The following APOBR variants were observed in gnomAD, a reference collection of about 807,000 sequenced individuals.
APOBR encodes the protein apolipoprotein B receptor, also known as apoB-48R.
A neutral mutation model predicts 88.5 loss-of-function variants in APOBR; 57 were observed. That is an observed-to-expected ratio of 0.64 (90% CI 0.52 to 0.80). The LOEUF is 0.80. Ranked by LOEUF, APOBR falls within the 30% of genes least tolerant of loss-of-function variation. The pLI is 0.00. For synonymous variants in APOBR, 588 were observed against 572.7 expected (o/e 1.03, Z -0.38); for missense variants, 1,443 against 1,401.6 (o/e 1.03, Z -0.47).
rs537690964 is a variant in APOBR, at chr16:28,495,078, T to C, written c.58-21T>C. ...GGGACTCTCCTCAATGACTCTCCCC[T>C]CTCTCTCTCTTTTTTCCTAGGATTC... On this transcript the variant is annotated intron_variant, in intron 1 of 3. Transcript: ENST00000564831. 85 of 1,380,126 alleles carry C rather than the reference T, an allele frequency of 6.2e-5. No homozygotes were observed. In the East Asian group the frequency reaches 7.7e-4, roughly 13 times the overall value. 85.5% of individuals were successfully genotyped at this position (1,380,126 alleles called of 1,614,324 possible).
chr16:28,498,720 C>T lies in APOBR; in HGVS notation c.*215C>T, dbSNP rs2046412652. Reference sequence around the variant, plus strand: ...GATTCTCCGACACAGGCTGGTGGACCACCTACCCCACTGAGACCACCTCTC... The same window carrying T: ...GATTCTCCGACACAGGCTGGTGGACTACCTACCCCACTGAGACCACCTCTC... On this transcript the variant is annotated 3_prime_UTR_variant, in exon 4 of 4. Coordinates refer to ENST00000564831, the MANE Select transcript of APOBR (RefSeq NM_018690.4). The T allele has an allele frequency of 3.2e-6, 2 of 624,710 alleles. No individual in the cohort carries two copies. The highest frequency in any genetic ancestry group is 2.8e-6 in the Non-Finnish European group (1 of 360,398). 38.7% of individuals were successfully genotyped at this position (624,710 alleles called of 1,614,324 possible).
rs529411897 is a variant in APOBR at position 28,496,482 on chromosome 16, G to T, written c.1441G>T (p.Asp481Tyr). The change falls in exon 2 of 4, where the codon GAC becomes TAC. Residue 481 changes from aspartate to tyrosine, a missense_variant. By Grantham distance (160) the Asp-to-Tyr change is radical (BLOSUM62 -3). Transcript: ENST00000564831. ...GAGGCAGGACTTGGGGATCAGGGCC[G>T]ACCGGGCCAGGATGGAAGAGCTGGT... ...EMRQDLGIRA[D>Y]RARMEELVQA... 2.5e-6 allele frequency: 4 copies of T among 1,605,072 alleles called. No individual in the cohort carries two copies. The highest frequency in any genetic ancestry group is 1.7e-4 in the Middle Eastern group (1 of 5,968).
Position 28,497,417 on chromosome 16 carries a change from G to C in APOBR, c.2376G>C (p.Ser792=). 1 of 1,613,580 alleles carries C rather than the reference G, an allele frequency of 6.2e-7. No individual in the cohort carries two copies. Among genetic ancestry groups the C allele is most frequent in the Non-Finnish European group, 8.5e-7 (1 of 1,179,696 alleles). Residue 792 remains serine, a synonymous_variant, in exon 2 of 4, where the codon TCG becomes TCC. Coordinates refer to ENST00000564831, the MANE Select transcript of APOBR (RefSeq NM_018690.4). ...LEGVLGQGWD[S]KEKEEAAAGE... is the part of the protein sequence containing the mutation. ...GGGTGCTTGGGCAAGGCTGGGACTC[G>C]AAAGAAAAGGAAGAGGCAGCAGCAG...
chr16:28,496,942 G>A lies in APOBR; in HGVS notation c.1901G>A (p.Arg634Lys). The change falls in exon 2 of 4, where the codon AGA becomes AAA. Residue 634 changes from arginine to lysine, a missense_variant. By Grantham distance (26) the Arg-to-Lys change is conservative. Transcript: ENST00000564831. ...AACCGCACGAGAAAGGACATGGAGA[G>A]AGGAAATACTCAGGAGGATGCGGCC... ...WENRTRKDME[R>K]GNTQEDAADG... 6.4e-7 allele frequency: 1 copy of A among 1,560,014 alleles called. No individual in the cohort carries two copies. The highest frequency in any genetic ancestry group is 8.7e-7 in the Non-Finnish European group (1 of 1,152,694).
chr16:28,495,828 TG>T lies in APOBR; in HGVS notation c.792del (p.Thr265ArgfsTer14). The T allele has an allele frequency of 6.2e-7, 1 of 1,606,946 alleles. No individual in the cohort carries two copies. The highest frequency in any genetic ancestry group is 1.1e-5 in the South Asian group (1 of 89,702). Reference protein sequence around the residue: ...VEKACESTRAWGTWGPGAEPE... With the variant: ...VEKACESTRAXGTWGPGAEPE... Reference sequence around the variant, plus strand: ...GAAGGCCTGTGAAAGCACTAGGGCATGGGGGACGTGGGGCCCAGGGGCAGAG... The same window carrying T: ...GAAGGCCTGTGAAAGCACTAGGGCATGGGGACGTGGGGCCCAGGGGCAGAG... On this transcript the variant is annotated frameshift_variant, in exon 2 of 4. Transcript: ENST00000564831. LOFTEE classifies it high-confidence loss of function.
In APOBR at chr16:28,497,296, G is replaced by C; in HGVS notation, c.2255G>C (p.Arg752Pro). The C allele has an allele frequency of 1.3e-6, 2 of 1,596,754 alleles. No homozygotes were observed. Among genetic ancestry groups the C allele is most frequent in the Non-Finnish European group, 1.7e-6 (2 of 1,172,070 alleles). The change falls in exon 2 of 4, where the codon CGT becomes CCT. Residue 752 changes from arginine (R) to proline (P), a missense_variant. Coordinates refer to ENST00000564831, the MANE Select transcript of APOBR (RefSeq NM_018690.4). ...LQAVAVGLPD[R>P]EDAQTGSVAA... ...GCGGTGGCTGTGGGCCTCCCGGACC[G>C]TGAGGATGCACAGACTGGCTCTGTG...
At position 28,495,701 on chromosome 16, in the gene APOBR, C is replaced by G; in HGVS notation, c.660C>G (p.Asp220Glu). 1 of 1,530,654 alleles carries G rather than the reference C, an allele frequency of 6.5e-7. No individual in the cohort carries two copies. The allele number at this position is 1,530,654 out of a possible 1,614,324, so 94.8% of individuals were successfully genotyped here. A position where few individuals can be genotyped will look rare whatever the true frequency, so the allele number is the denominator to read the frequency against. ...CTGTTGGGCCAAAGGCGGCAGGGGA[C>G]AACCGGGAGATGGAGCAGGGGGTCA... ...AGAVGPKAAG[D>E]NREMEQGVRE... Residue 220 changes from aspartate (D) to glutamate (E), a missense_variant, in exon 2 of 4, where the codon GAC (aspartate) becomes GAG (glutamate). Asp to Glu is a conservative substitution (Grantham distance 45). Transcript: ENST00000564831.
chr16:28,494,779 C>T (rs971631245), intron 1 of APOBR, 41 bp downstream of exon 1: 1 of 1,569,670 alleles, frequency 6.4e-7, no homozygotes, highest in Admixed American at 1.8e-5. Flanking sequence ...GCACCCCATT[C>T]CCTGGGGCCT....
In APOBR at chr16:28,498,548, A is replaced by T. The variant is rs747245857; in HGVS notation, c.*43A>T. 3.2e-6 allele frequency: 5 copies of T among 1,551,972 alleles called. No homozygotes were observed. Among genetic ancestry groups the T allele is most frequent in the Non-Finnish European group, 8.7e-7 (1 of 1,149,350 alleles). On this transcript the variant is annotated 3_prime_UTR_variant, in exon 4 of 4. Coordinates refer to ENST00000564831, the MANE Select transcript of APOBR (RefSeq NM_018690.4). ...GGGAGCCAGGCCCTGAGTGGGTGCCAGAAGGCTTGCTCCAATGCCACTGAG... is the reference window on the plus strand; with the variant it reads ...GGGAGCCAGGCCCTGAGTGGGTGCCTGAAGGCTTGCTCCAATGCCACTGAG...
Position 28,498,331 on chromosome 16 carries a change from G to A in APOBR, c.3206G>A (p.Arg1069Lys). 2 of 1,598,518 alleles carry A rather than the reference G, an allele frequency of 1.3e-6. No homozygotes were observed. The highest frequency in any genetic ancestry group is 2.2e-5 in the East Asian group (1 of 44,474). ...GATGGGACCCCGGTGCCAGCCAGGAGAAGGCCCCTGGGACACGGGTAGGCA... is the reference window on the plus strand; with the variant it reads ...GATGGGACCCCGGTGCCAGCCAGGAAAAGGCCCCTGGGACACGGGTAGGCA... ...RHDGTPVPAR[R>K]RPLGHGFGLA... The change falls in exon 3 of 4, where the codon AGA becomes AAA. Residue 1069 changes from arginine (R) to lysine (K), a missense_variant. Transcript: ENST00000564831.
chr16:28,498,553 G>T lies in APOBR; in HGVS notation c.*48G>T. The T allele has an allele frequency of 6.5e-7, 1 of 1,546,974 alleles. No individual in the cohort carries two copies. The highest frequency in any genetic ancestry group is 8.7e-7 in the Non-Finnish European group (1 of 1,146,424). On this transcript the variant is annotated 3_prime_UTR_variant, in exon 4 of 4. Coordinates refer to ENST00000564831, the MANE Select transcript of APOBR (RefSeq NM_018690.4). ...CCAGGCCCTGAGTGGGTGCCAGAAG[G>T]CTTGCTCCAATGCCACTGAGCCCTG...
rs761106858 is a variant in APOBR at position 28,497,910 on chromosome 16, G to A, written c.2869G>A (p.Glu957Lys). The A allele has an allele frequency of 1.9e-6, 3 of 1,613,690 alleles. No individual in the cohort carries two copies. In the East Asian group the frequency reaches 6.7e-5, roughly 36 times the overall value. The change falls in exon 2 of 4, where the codon GAA becomes AAA. Residue 957 changes from glutamate (E) to lysine (K), a missense_variant. Coordinates refer to ENST00000564831, the MANE Select transcript of APOBR (RefSeq NM_018690.4). Reference protein sequence around the residue: ...EEQPTHQAPAEAAPESVGEAE... With the variant: ...EEQPTHQAPAKAAPESVGEAE... Reference sequence around the variant, plus strand: ...GCAGCCAACACACCAGGCCCCTGCAGAAGCTGCGCCGGAGTCAGTCGGGGA... The same window carrying A: ...GCAGCCAACACACCAGGCCCCTGCAAAAGCTGCGCCGGAGTCAGTCGGGGA...
intron 2 of APOBR, 22 bp from the exon 3 acceptor site, chr16:28,498,059 C>T: frequency 1.3e-6 from 2 of 1,544,066 alleles, no homozygotes; most frequent in South Asian, 2.4e-5. Context: ...CCCCATGGTC[C>T]TCTGTGCCCC....
rs1469476484 is a variant in APOBR at position 28,497,164 on chromosome 16, G to T, written c.2123G>T (p.Gly708Val). The change falls in exon 2 of 4, where the codon GGG becomes GTG. Residue 708 changes from glycine (G) to valine (V), a missense_variant. Transcript: ENST00000564831. ...AACCAGGAGCTGGACGGAAGCACAG[G>T]GGCAGACGCAGGGCCTTGCCCGTCA... ...SENQELDGST[G>V]ADAGPCPSLG... The T allele has an allele frequency of 1.2e-5, 19 of 1,605,294 alleles. No homozygotes were observed. Among genetic ancestry groups the T allele is most frequent in the Non-Finnish European group, 1.4e-5 (17 of 1,176,440 alleles).
chr16:28,497,322 G>A lies in APOBR; in HGVS notation c.2281G>A (p.Ala761Thr). The change falls in exon 2 of 4, where the codon GCT (alanine) becomes ACT (threonine). Residue 761 changes from alanine to threonine, a missense_variant. Ala to Thr is a moderately conservative substitution (Grantham distance 58). Transcript: ENST00000564831. ...TGAGGATGCACAGACTGGCTCTGTG[G>A]CTGCTGGGATTATGGGGGGTGATGT... ...DREDAQTGSV[A>T]AGIMGGDVVP... The A allele has an allele frequency of 6.2e-7, 1 of 1,603,196 alleles. No homozygotes were observed. Among genetic ancestry groups the A allele is most frequent in the South Asian group, 1.1e-5 (1 of 89,592 alleles).
At position 28,495,720 on chromosome 16, in the gene APOBR, G is replaced by T; in HGVS notation, c.679G>T (p.Gly227Trp). ...AAGDNREMEQ[G>W]VREADAGETE... ...AGGGGACAACCGGGAGATGGAGCAG[G>T]GGGTCAGGGAGGCAGATGCAGGGGA... Residue 227 changes from glycine (G) to tryptophan (W), a missense_variant, in exon 2 of 4, where the codon GGG becomes TGG. By Grantham distance (184) the Gly-to-Trp change is radical. Coordinates refer to ENST00000564831, the MANE Select transcript of APOBR (RefSeq NM_018690.4). 6.5e-7 allele frequency: 1 copy of T among 1,531,594 alleles called. No individual in the cohort carries two copies. The highest frequency in any genetic ancestry group is 8.8e-7 in the Non-Finnish European group (1 of 1,136,854). 94.9% of individuals were successfully genotyped at this position (1,531,594 alleles called of 1,614,324 possible).
At position 28,496,041 on chromosome 16, in the gene APOBR, G is replaced by A; in HGVS notation, c.1000G>A (p.Gly334Arg). The change falls in exon 2 of 4, where the codon GGG becomes AGG. Residue 334 changes from glycine (G) to arginine (R), a missense_variant. Coordinates refer to ENST00000564831, the MANE Select transcript of APOBR (RefSeq NM_018690.4). ...GGEEAGTASG[G>R]EEAGIASGGE... is the part of the protein sequence containing the mutation. ...GGAGGAGGCCGGGACAGCCTCGGGA[G>A]GGGAGGAGGCCGGGATAGCCTCAGG... The A allele has an allele frequency of 1.3e-6, 2 of 1,580,774 alleles. No homozygotes were observed. Among genetic ancestry groups the A allele is most frequent in the South Asian group, 1.2e-5 (1 of 86,108 alleles).
chr16:28,497,248 C>G lies in APOBR; in HGVS notation c.2207C>G (p.Ser736Cys). ...EDEEAEADRT[S>C]RRGWRLQAVA... ...GAGGAGGCGGAGGCTGACAGAACAT[C>G]CAGAAGAGGCTGGAGGCTGCAAGCG... is the stretch of plus-strand genomic sequence containing the variant. The change falls in exon 2 of 4, where the codon TCC (serine) becomes TGC (cysteine). Residue 736 changes from serine to cysteine, a missense_variant. Physicochemically the swap from Ser to Cys is moderately radical, Grantham distance 112. Coordinates refer to ENST00000564831, the MANE Select transcript of APOBR (RefSeq NM_018690.4). The G allele has an allele frequency of 6.3e-7, 1 of 1,591,250 alleles. No individual in the cohort carries two copies. Among genetic ancestry groups the G allele is most frequent in the South Asian group, 1.1e-5 (1 of 87,800 alleles).
Position 28,496,526 on chromosome 16 carries a change from G to T in APOBR, c.1485G>T (p.Gln495His). ...AGCTGGTACAGGCAGAGGAGGCCCAGGAGGAGAGAGGGAGCAGCAGGGATC... is the reference window on the plus strand; with the variant it reads ...AGCTGGTACAGGCAGAGGAGGCCCATGAGGAGAGAGGGAGCAGCAGGGATC... ...MEELVQAEEA[Q>H]EERGSSRDPV... The change falls in exon 2 of 4, where the codon CAG becomes CAT. Residue 495 changes from glutamine to histidine, a missense_variant. Transcript: ENST00000564831. 6.3e-7 allele frequency: 1 copy of T among 1,577,214 alleles called. No homozygotes were observed.
Sources: allele counts gnomAD v4.1 joint callset, GRCh38; gene constraint gnomAD v4.1.1; transcripts MANE v1.5; gene names NCBI Gene and HGNC (gene_info 2026-07-23, HGNC 2026-07-21).